Variants in MAN1C1 observed in about 807,000 individuals in gnomAD.
MAN1C1 encodes mannosidase alpha class 1C member 1.
A neutral mutation model predicts 71.5 loss-of-function variants in MAN1C1; 49 were observed. That is an observed-to-expected ratio of 0.69 (90% confidence interval 0.54 to 0.87). The LOEUF (loss-of-function observed/expected upper bound fraction) is 0.87. Among genes scored for constraint, MAN1C1 ranks in the 40% least tolerant of loss-of-function variants. The probability of loss-of-function intolerance (pLI) is 0.00; values close to 1 mark genes in which losing one functional copy is unlikely to be tolerated. For missense variants in MAN1C1, 743 were observed against 835.0 expected (o/e 0.89, Z 1.36); for synonymous variants, 352 against 343.7 (o/e 1.02, Z -0.27).
chr1:25,764,034 G>C lies in MAN1C1; in HGVS notation c.1141+67G>C. 7.5e-7 allele frequency: 1 copy of C among 1,337,852 alleles called. No individual in the cohort carries two copies. Among genetic ancestry groups the C allele is most frequent in the Non-Finnish European group, 1.1e-6 (1 of 931,688 alleles). The allele number at this position is 1,337,852 out of a possible 1,614,324, so 82.9% of individuals were successfully genotyped here. A position where few individuals can be genotyped will look rare whatever the true frequency, so the allele number is the denominator to read the frequency against. ...TGCCCAGGCTTCCTAGGAAGACCCT[G>C]CCAGGCCCCTGGGCTGAGTGAGGAT... On this transcript the variant is annotated intron_variant, in intron 7 of 11. Transcript: ENST00000374332. This position sits in a 1 kb window ranked among gnomAD's most constrained non-coding sequence, Gnocchi z 4.4.
intron 2 of MAN1C1, among the ~76,000 whole-genome samples, chr1:25,734,488 G>A (rs1004482149): frequency 3.3e-5 from 5 of 152,232 alleles, no homozygotes; most frequent in African/African-American, 1.2e-4. Context: ...AGGCAAAAAA[G>A]GATTGTTCTT....
At chr1:25,742,407 G>A (rs1278788621) in intron 2 of MAN1C1, among the ~76,000 whole-genome samples, 3 of 152,238 alleles carry the variant, frequency 2.0e-5, no homozygotes, top group Non-Finnish European at 4.4e-5. Context: ...AGCAGATACA[G>A]ATGGGACCTG....
intron 1 of MAN1C1, among the ~76,000 whole-genome samples, chr1:25,656,095 C>CT (rs59710145): frequency 0.029 from 2,201 of 74,938 alleles, 193 homozygotes; most frequent in Non-Finnish European, 0.038. Flanking sequence ...GATTATCAGT[C>CT]TTTTTTTTTT....
chr1:25,731,251 A>T (rs1455972021), intron 2 of MAN1C1, among the ~76,000 whole-genome samples: 1 of 152,222 alleles, frequency 6.6e-6, no homozygotes. Context: ...TCAAGGCTGC[A>T]GTGAGCTGTG....
intron 2 of MAN1C1, among the ~76,000 whole-genome samples, chr1:25,736,566 G>A (rs895619684): frequency 5.9e-5 from 9 of 151,996 alleles, no homozygotes; most frequent in East Asian, 5.8e-4. Context: ...TTGCTCTGTC[G>A]CCCAGGCTGG....
In MAN1C1 at chr1:25,764,159, C is replaced by T. The variant is rs2047397898; in HGVS notation, c.1141+192C>T. Among the ~76,000 whole-genome samples, 1 of 152,226 alleles carries T rather than the reference C, an allele frequency of 6.6e-6. No homozygotes were observed. Among genetic ancestry groups the T allele is most frequent in the Admixed American group, 6.5e-5 (1 of 15,286 alleles). ...CTGGGGGCTTGCCTGTGGTTGTCTG[C>T]TGCTGCAGTGCCGGATGTGATGGCT... On this transcript the variant is annotated intron_variant, in intron 7 of 11. Transcript: ENST00000374332. This position sits in a 1 kb window ranked among gnomAD's most constrained non-coding sequence, Gnocchi z 4.4.
chr1:25,760,487 T>C (rs188009160), intron 6 of MAN1C1: 1 of 152,324 alleles, frequency 6.6e-6, no homozygotes, highest in East Asian at 1.9e-4. Context: ...GAGGCAATTA[T>C]TGGCAGTCAA....
intron 7 of MAN1C1, among the ~76,000 whole-genome samples, chr1:25,767,508 ACAC>A (rs1371835409): frequency 3.8e-5 from 5 of 132,202 alleles, no homozygotes; most frequent in Non-Finnish European, 7.9e-5. Flanking sequence ...TCCCTCACAC[ACAC>A]ATTACATACT....
intron 10 of MAN1C1, among the ~76,000 whole-genome samples, chr1:25,781,903 A>G (rs813203): frequency 0.77 from 116,834 of 152,024 alleles, 45,168 homozygotes; most frequent in East Asian, 0.99. Flanking sequence ...GCAACACGGC[A>G]AAACCCCATC....
intron 1 of MAN1C1, among the ~76,000 whole-genome samples, chr1:25,663,809 C>T (rs1235830535): frequency 1.3e-5 from 2 of 152,180 alleles, no homozygotes; most frequent in African/African-American, 4.8e-5. Context: ...CTGCTCTGTC[C>T]TGGCCCTGCG....
At chr1:25,663,665 A>C (rs979702137) in intron 1 of MAN1C1, among the ~76,000 whole-genome samples, 1 of 152,148 alleles carries the variant, frequency 6.6e-6, no homozygotes, top group Non-Finnish European at 1.5e-5. Flanking sequence ...TCGAGGGCAC[A>C]GTGGGACGAA....
At chr1:25,699,961 A>G (rs1340013924) in intron 2 of MAN1C1, among the ~76,000 whole-genome samples, 1 of 152,182 alleles carries the variant, frequency 6.6e-6, no homozygotes, top group Non-Finnish European at 1.5e-5. Context: ...CAGCATGAGA[A>G]CTATGCAGGG....
At chr1:25,623,807 C>T (rs2045252889) in intron 1 of MAN1C1, among the ~76,000 whole-genome samples, 2 of 152,130 alleles carry the variant, frequency 1.3e-5, no homozygotes, top group African/African-American at 4.8e-5. Context: ...TTTAGGCTCT[C>T]CCTGCGTTGC....
chr1:25,735,969 C>T lies in MAN1C1; in HGVS notation c.638-10699C>T, dbSNP rs1238628592. Among the ~76,000 whole-genome samples, 5 of 152,196 alleles carry T rather than the reference C, an allele frequency of 3.3e-5. No homozygotes were observed. Among genetic ancestry groups the T allele is most frequent in the African/African-American group, 1.2e-4 (5 of 41,442 alleles). Reference sequence around the variant, plus strand: ...GGTTAATGGGATAGGGATATTTACTCCTCCCAAGGAGGGAGAGGGAAGGAG... The same window carrying T: ...GGTTAATGGGATAGGGATATTTACTTCTCCCAAGGAGGGAGAGGGAAGGAG... On this transcript the variant is annotated intron_variant, in intron 2 of 11. Transcript: ENST00000374332. This position sits in a 1 kb window ranked among gnomAD's most constrained non-coding sequence, Gnocchi z 4.6.
At chr1:25,729,477 C>CT (rs1251495380) in intron 2 of MAN1C1, among the ~76,000 whole-genome samples, 9,121 of 143,468 alleles carry the variant, frequency 0.064, 902 homozygotes, top group African/African-American at 0.21. Flanking sequence ...TCTTTTTCTT[C>CT]TTTTTTTTTT....
intron 1 of MAN1C1, chr1:25,644,913 A>AGAG (rs2045592557): frequency 6.6e-6 from 1 of 152,096 alleles, no homozygotes; most frequent in African/African-American, 2.4e-5. Context: ...ATGGAAAGGG[A>AGAG]GAGGGCTCAG....
intron 1 of MAN1C1, among the ~76,000 whole-genome samples, chr1:25,638,540 A>G (rs984222516): frequency 6.6e-5 from 10 of 152,084 alleles, no homozygotes; most frequent in Admixed American, 4.6e-4. Flanking sequence ...AGCATGAAAA[A>G]TCCTTCTTAA....
chr1:25,754,913 C>T lies in MAN1C1; in HGVS notation c.929+1335C>T, dbSNP rs564479280. On this transcript the variant is annotated intron_variant, in intron 5 of 11. Transcript: ENST00000374332. ...TTCATGTATATTTCCTGGCAACATC[C>T]GCCTTTTTGTTCTTGGTAAGAAAGT... 3.5e-4 allele frequency among the ~76,000 whole-genome samples: 53 copies of T among 152,314 alleles called. 1 individual carries two copies. The highest frequency in any genetic ancestry group is 2.5e-3 in the Admixed American group (39 of 15,306).
intron 1 of MAN1C1, among the ~76,000 whole-genome samples, chr1:25,635,299 A>G (rs543369279): frequency 9.2e-5 from 14 of 152,266 alleles, no homozygotes; most frequent in South Asian, 4.2e-4. Context: ...TATTAATTAT[A>G]TAACAGATAT....
Sources: gnomAD v4.1 joint callset for allele counts (sites outside exome capture counted in the v4.1 genomes callset) on GRCh38, gnomAD v4.1.1 for gene constraint, Gnocchi (gnomAD v3.1) non-coding constraint, MANE v1.5 for transcripts, NCBI Gene and HGNC (gene_info 2026-07-23, HGNC 2026-07-21) for gene names.